Variants in INPP5F observed in about 807,000 individuals in gnomAD.
INPP5F encodes the protein inositol polyphosphate-5-phosphatase F, also known as phosphatidylinositide 4-phosphatase SAC2.
In INPP5F, 97 loss-of-function variants were observed where a neutral mutation model predicts 137.2. That is an observed-to-expected ratio of 0.71 (90% CI 0.60 to 0.84). The LOEUF (loss-of-function observed/expected upper bound fraction) is 0.84. Among genes scored for constraint, INPP5F ranks in the 40% least tolerant of loss-of-function variants. The pLI, the probability that INPP5F is intolerant of heterozygous loss-of-function variation, is 0.00. For synonymous variants in INPP5F, 504 were observed against 476.9 expected (o/e 1.06, Z -0.74); for missense variants, 1,271 against 1,371.9 (o/e 0.93, Z 1.16).
chr10:119,770,623 CTAT>C (rs1244847121), intron 2 of INPP5F, among the ~76,000 whole-genome samples: 2 of 152,038 alleles, frequency 1.3e-5, no homozygotes, highest in Non-Finnish European at 2.9e-5. Context: ...GTAGAGATTG[CTAT>C]TATTTTCTGT....
intron 10 of INPP5F, among the ~76,000 whole-genome samples, chr10:119,805,047 G>A (rs1032291433): frequency 5.9e-5 from 9 of 152,104 alleles, no homozygotes; most frequent in African/African-American, 2.2e-4. Context: ...TTTTGATGGT[G>A]CCTTTAACGT....
At chr10:119,818,506 C>A (rs529925057) in intron 15 of INPP5F, among the ~76,000 whole-genome samples, 1 of 152,202 alleles carries the variant, frequency 6.6e-6, no homozygotes, top group Non-Finnish European at 1.5e-5. Context: ...CTGTCCCTGA[C>A]GAAGGCGAAG....
chr10:119,801,368 A>G (rs1048980976), intron 9 of INPP5F, among the ~76,000 whole-genome samples: 1 of 152,216 alleles, frequency 6.6e-6, no homozygotes, highest in Non-Finnish European at 1.5e-5. Context: ...TGACATGCAT[A>G]TTTGTACAGA....
chr10:119,805,586 C>T (rs2134242732), intron 11 of INPP5F, 125 bp downstream of exon 11: 1 of 677,130 alleles, frequency 1.5e-6, no homozygotes, highest in Non-Finnish European at 2.6e-6. Context: ...TTCCCAGTTC[C>T]TATTCTTTTC....
rs569288374 is a variant in INPP5F at position 119,783,812 on chromosome 10, G to A, written c.315+2041G>A. ...TAATTATTTTTACAGCTGTTGGGCTGTACAGTATAAACTACCGTACTTCTC... is the reference window on the plus strand; with the variant it reads ...TAATTATTTTTACAGCTGTTGGGCTATACAGTATAAACTACCGTACTTCTC... On this transcript the variant is annotated intron_variant, in intron 3 of 19. Transcript: ENST00000650623. 3.3e-4 allele frequency among the ~76,000 whole-genome samples: 51 copies of A among 152,284 alleles called. 1 individual carries two copies. The South Asian group carries it at 0.01, about 30-fold the overall frequency.
intron 2 of INPP5F, among the ~76,000 whole-genome samples, chr10:119,772,863 C>T (rs1178240939): frequency 1.3e-5 from 2 of 151,980 alleles, no homozygotes; most frequent in Non-Finnish European, 2.9e-5. Context: ...AATTCTCCTG[C>T]CTCAGCCTCC....
intron 1 of INPP5F, among the ~76,000 whole-genome samples, chr10:119,738,817 CTCT>C (rs1848293417): frequency 6.6e-6 from 1 of 152,090 alleles, no homozygotes; most frequent in Admixed American, 6.6e-5. Flanking sequence ...TGTTTCTTAT[CTCT>C]ATATTAGTAT....
intron 15 of INPP5F, 109 bp from the exon 16 acceptor site, chr10:119,820,737 C>T: frequency 2.6e-6 from 2 of 773,076 alleles, no homozygotes; most frequent in East Asian, 2.5e-5. Context: ...CTTCTTTTCC[C>T]TCCCCCTGGC....
chr10:119,820,702 T>G, intron 15 of INPP5F, 144 bp from the exon 16 acceptor site: 2 of 616,332 alleles, frequency 3.2e-6, no homozygotes, highest in South Asian at 2.0e-5. Flanking sequence ...TACATCTAAC[T>G]GCAGTAGAAC....
chr10:119,811,000 G>A (rs1851007913), intron 14 of INPP5F, among the ~76,000 whole-genome samples: 1 of 152,198 alleles, frequency 6.6e-6, no homozygotes. Context: ...TGCCAGACAT[G>A]GAGGGTGCAT....
At chr10:119,752,731 T>G (rs779443342) in intron 2 of INPP5F, among the ~76,000 whole-genome samples, 1 of 152,132 alleles carries the variant, frequency 6.6e-6, no homozygotes, top group Non-Finnish European at 1.5e-5. Context: ...TTTTTGCTTT[T>G]ATTATATAGG....
At chr10:119,741,400 G>T (rs572491428) in intron 1 of INPP5F, among the ~76,000 whole-genome samples, 1 of 152,238 alleles carries the variant, frequency 6.6e-6, no homozygotes, top group South Asian at 2.1e-4. Flanking sequence ...CCTGCTCCCT[G>T]TCTTATTCTG....
chr10:119,785,286 G>GTTGTTTTTTTTTTTTTTTTTTTTTTTTTT (rs770290302), intron 3 of INPP5F, among the ~76,000 whole-genome samples: 2 of 106,228 alleles, frequency 1.9e-5, no homozygotes, highest in African/African-American at 7.5e-5. Flanking sequence ...CTGCCAGACT[G>GTTGTTTTTTTTTTTTTTTTTTTTTTTTTT]TTTTTTTTTT....
Position 119,730,791 on chromosome 10 carries a change from A to G in INPP5F, c.97+4432A>G, listed in dbSNP as rs553135467. On this transcript the variant is annotated intron_variant, in intron 1 of 19. Coordinates refer to ENST00000650623, the MANE Select transcript of INPP5F (RefSeq NM_014937.4). Reference sequence around the variant, plus strand: ...TACTCTAAGTGATGAATCCCAGTGAACTTTTTTTTTTTTTTGAGATTGAGT... The same window carrying G: ...TACTCTAAGTGATGAATCCCAGTGAGCTTTTTTTTTTTTTTGAGATTGAGT... Among the ~76,000 whole-genome samples the G allele has an allele frequency of 9.8e-5, 3 of 30,596 alleles. No homozygotes were observed. The East Asian group carries it at 4.0e-3, about 41-fold the overall frequency. The allele number at this position is 30,596 out of a possible 152,430, so 20.1% of individuals were successfully genotyped here.
intron 2 of INPP5F, among the ~76,000 whole-genome samples, chr10:119,771,859 T>G (rs1250160091): frequency 6.2e-3 from 65 of 10,558 alleles, no homozygotes; most frequent in Middle Eastern, 0.031. Context: ...TATATATATA[T>G]ATATATATAT....
At position 119,795,373 on chromosome 10, in the gene INPP5F, C is replaced by T. The variant is rs1407540882; in HGVS notation, c.670-1342C>T. 2.7e-4 allele frequency among the ~76,000 whole-genome samples: 40 copies of T among 149,390 alleles called. No individual in the cohort carries two copies. In the South Asian group the frequency reaches 3.8e-3, roughly 14 times the overall value. On this transcript the variant is annotated intron_variant, in intron 6 of 19. Transcript: ENST00000650623. ...CTCACTTCTCAGACGGGGCGGCTGC[C>T]AGGCGGAGGGGCTCCTCACTTCTCA... is the stretch of plus-strand genomic sequence containing the variant.
intron 15 of INPP5F, among the ~76,000 whole-genome samples, chr10:119,813,604 G>A (rs1851133358): frequency 6.6e-6 from 1 of 152,014 alleles, no homozygotes; most frequent in Non-Finnish European, 1.5e-5. Context: ...CAGCCTGGGT[G>A]ACAGAGTGAG....
intron 3 of INPP5F, among the ~76,000 whole-genome samples, chr10:119,784,480 CTGTG>C (rs1849811055): frequency 6.6e-6 from 1 of 152,148 alleles, no homozygotes; most frequent in Admixed American, 6.5e-5. Flanking sequence ...ATTTGGATGT[CTGTG>C]TATCAGTTTG....
At chr10:119,794,475 C>T (rs1310965007) in intron 6 of INPP5F, among the ~76,000 whole-genome samples, 3 of 152,038 alleles carry the variant, frequency 2.0e-5, no homozygotes, top group Non-Finnish European at 1.5e-5. Context: ...CACCTTTCCC[C>T]CCTTTCTATT....
Sources: allele counts gnomAD v4.1 joint callset (sites outside exome capture counted in the v4.1 genomes callset), GRCh38; gene constraint gnomAD v4.1.1; transcripts MANE v1.5; gene names NCBI Gene and HGNC (gene_info 2026-07-23, HGNC 2026-07-21).